TMEM245: variants seen among roughly 807,000 people sequenced by gnomAD.
TMEM245 encodes protein CG-2.
Under a neutral mutation model 101.2 loss-of-function variants are expected in TMEM245, and 69 were observed. That is an observed-to-expected ratio of 0.68 (90% CI 0.56 to 0.83). The LOEUF is 0.83. Ranked by LOEUF, TMEM245 falls within the 40% of genes least tolerant of loss-of-function variation. TMEM245 has a pLI of 0.00. For synonymous variants in TMEM245, 537 were observed against 449.8 expected, an observed-to-expected ratio of 1.19 and a Z score of -2.45; for missense variants, 1,075 against 1,092.8, an observed-to-expected ratio of 0.98 and a Z score of 0.23.
chr9:109,020,534 T>C, intron 17 of TMEM245, 29 bp from the exon 18 acceptor site: 3 of 1,597,202 alleles, frequency 1.9e-6, no homozygotes, highest in East Asian at 2.2e-5. Context: ...GAATGATTAG[T>C]TGATTACCAT....
chr9:109,018,231 A>C lies in TMEM245; in HGVS notation c.*2229T>G, dbSNP rs926630889. ...TGAATATGTGCTAATTACATCTATA[A>C]ATCAACCAGTATATAATTAACAAAA... On this transcript the variant is annotated 3_prime_UTR_variant, in exon 18 of 18. Transcript: ENST00000374586. 1.3e-5 allele frequency: 2 copies of C among 152,236 alleles called. No homozygotes were observed. The highest frequency in any genetic ancestry group is 4.8e-5 in the African/African-American group (2 of 41,460). The allele number at this position is 152,236 out of a possible 1,614,324, so 9.4% of individuals were successfully genotyped here.
chr9:109,066,747 G>T (rs1829181949), intron 9 of TMEM245, among the ~76,000 whole-genome samples: 1 of 151,752 alleles, frequency 6.6e-6, no homozygotes, highest in Admixed American at 6.6e-5. Flanking sequence ...ACACTCTCCT[G>T]TAGTGTTATT....
intron 1 of TMEM245, among the ~76,000 whole-genome samples, chr9:109,116,144 A>T (rs1367041428): frequency 6.6e-6 from 1 of 152,208 alleles, no homozygotes; most frequent in Non-Finnish European, 1.5e-5. Flanking sequence ...CAAAACAGGG[A>T]TTCGCTTAAA....
At chr9:109,073,575 C>T (rs1829398573) in intron 8 of TMEM245, 137 bp from the exon 9 acceptor site, 5 of 627,270 alleles carry the variant, frequency 8.0e-6, no homozygotes, top group Non-Finnish European at 1.4e-5. Flanking sequence ...AATTTAGAAA[C>T]ATGCAGCGCA....
rs138442320 is a variant in TMEM245, at chr9:109,015,152, T to G, written c.*5308A>C. The G allele has an allele frequency of 4.8e-4, 73 of 152,300 alleles. No individual in the cohort carries two copies. The highest frequency in any genetic ancestry group is 1.6e-3 in the African/African-American group (68 of 41,538). The allele number at this position is 152,300 out of a possible 1,614,324, so 9.4% of individuals were successfully genotyped here. A position where few individuals can be genotyped will look rare whatever the true frequency, so the allele number is the denominator to read the frequency against. On this transcript the variant is annotated 3_prime_UTR_variant, in exon 18 of 18. Coordinates refer to ENST00000374586, the MANE Select transcript of TMEM245 (RefSeq NM_032012.4). ...ACAGGAGATTAAGTTTACCACATGA[T>G]TCATTCAACACTAGTAATTTTATTT...
At chr9:109,093,657 C>G in intron 3 of TMEM245, 66 bp from the exon 4 acceptor site, 1 of 1,269,858 alleles carries the variant, frequency 7.9e-7, no homozygotes, top group Non-Finnish European at 1.2e-6. Flanking sequence ...AATTTAAACA[C>G]AGTCCAACAT....
intron 10 of TMEM245, among the ~76,000 whole-genome samples, chr9:109,061,422 CAT>C (rs1829007932): frequency 6.6e-6 from 1 of 152,170 alleles, no homozygotes. Flanking sequence ...TGCCTATTTA[CAT>C]AGAGACAATT....
chr9:109,111,182 T>G (rs1235796510), intron 1 of TMEM245, among the ~76,000 whole-genome samples: 1 of 152,328 alleles, frequency 6.6e-6, no homozygotes, highest in East Asian at 1.9e-4. Flanking sequence ...CTTGATTTTC[T>G]GTGGTTCTGA....
In TMEM245 at chr9:109,105,097, T is replaced by C. The variant is rs555317489; in HGVS notation, c.799+1411A>G. On this transcript the variant is annotated intron_variant, in intron 3 of 17. Transcript: ENST00000374586. ...CCACCAATGGAATATTTAAAAATCATATATTTGATAAGGGTCTAGTATCTA... is the reference window on the plus strand; with the variant it reads ...CCACCAATGGAATATTTAAAAATCACATATTTGATAAGGGTCTAGTATCTA... Among the ~76,000 whole-genome samples the C allele has an allele frequency of 6.6e-5, 10 of 152,270 alleles. No individual in the cohort carries two copies. The East Asian group carries it at 1.7e-3, about 26-fold the overall frequency.
chr9:109,069,375 G>A (rs1829263173), intron 9 of TMEM245, among the ~76,000 whole-genome samples: 1 of 152,130 alleles, frequency 6.6e-6, no homozygotes, highest in Non-Finnish European at 1.5e-5. Context: ...TCCTATGAAA[G>A]GCTCTATCCA....
At chr9:109,032,365 C>CTTTTTT (rs755399182) in intron 17 of TMEM245, among the ~76,000 whole-genome samples, 466 of 40,964 alleles carry the variant, frequency 0.011, 166 homozygotes, top group Non-Finnish European at 0.015. Context: ...ATTTCTTTTC[C>CTTTTTT]TTTTTTTTTT....
At chr9:109,056,513 G>A (rs1404117974) in intron 12 of TMEM245, among the ~76,000 whole-genome samples, 1 of 151,260 alleles carries the variant, frequency 6.6e-6, no homozygotes, top group Admixed American at 6.6e-5. Context: ...CTACTTAGGA[G>A]GCTGAGGTAG....
Position 109,080,914 on chromosome 9 carries a change from A to T in TMEM245, c.1374T>A (p.Asp458Glu). 1 of 1,608,972 alleles carries T rather than the reference A, an allele frequency of 6.2e-7. No individual in the cohort carries two copies. Among genetic ancestry groups the T allele is most frequent in the Non-Finnish European group, 8.5e-7 (1 of 1,176,198 alleles). Residue 458 changes from aspartate to glutamate, a missense_variant, in exon 8 of 18, where the codon GAT becomes GAA. This residue lies in a region of TMEM245 where 808 missense variants were observed against 741.5 expected (regional missense o/e 1.09). Coordinates refer to ENST00000374586, the MANE Select transcript of TMEM245 (RefSeq NM_032012.4). ...ATATGATGAAAATGCTAATTATTTT[A>T]TCTAACATCTTCTCCAACCAGATGA... Reference protein sequence around the residue: ...KMIIWLEKMLDKIISIFIIFL... With the variant: ...KMIIWLEKMLEKIISIFIIFL...
At position 109,119,603 on chromosome 9, in the gene TMEM245, A is replaced by G; in HGVS notation, c.311T>C (p.Leu104Pro). The G allele has an allele frequency of 6.4e-7, 1 of 1,555,610 alleles. No individual in the cohort carries two copies. Among genetic ancestry groups the G allele is most frequent in the Non-Finnish European group, 8.7e-7 (1 of 1,154,352 alleles). Residue 104 changes from leucine to proline, a missense_variant, in exon 1 of 18, where the codon CTG becomes CCG. Transcript: ENST00000374586. ...LHPFKSSLTR[L>P]GRHWLQRLHR... is the part of the protein sequence containing the mutation. ...CAGGCGCTGCAGCCAGTGGCGGCCC[A>G]GGCGCGTCAGCGAGCTCTTGAAGGG... is the stretch of plus-strand genomic sequence containing the variant.
rs752321764 is a variant in TMEM245, at chr9:109,119,877, G to A, written c.37C>T (p.Leu13=). 1 of 1,302,982 alleles carries A rather than the reference G, an allele frequency of 7.7e-7. No individual in the cohort carries two copies. The highest frequency in any genetic ancestry group is 4.1e-5 in the Admixed American group (1 of 24,112). The allele number at this position is 1,302,982 out of a possible 1,614,324, so 80.7% of individuals were successfully genotyped here. Residue 13 remains leucine (L), a synonymous_variant, in exon 1 of 18, where the codon CTG becomes TTG. Coordinates refer to ENST00000374586, the MANE Select transcript of TMEM245 (RefSeq NM_032012.4). The part of the protein sequence containing the change: ...DGGGPKDAPS[L]RSSPGPAPRV... ...GGCGCCGGCCCGGGAGAGCTCCGCA[G>A]GCTTGGCGCGTCCTTAGGGCCGCCG...
At chr9:109,021,998 T>G (rs1331135443) in intron 17 of TMEM245, among the ~76,000 whole-genome samples, 1 of 152,222 alleles carries the variant, frequency 6.6e-6, no homozygotes, top group Non-Finnish European at 1.5e-5. Context: ...ACTTCAAATG[T>G]AATTCCACAA....
At position 109,106,550 on chromosome 9, in the gene TMEM245, C is replaced by G. The variant is rs894392146; in HGVS notation, c.757G>C (p.Val253Leu). 1.2e-6 allele frequency: 2 copies of G among 1,612,450 alleles called. No homozygotes were observed. The highest frequency in any genetic ancestry group is 8.5e-7 in the Non-Finnish European group (1 of 1,179,072). The change falls in exon 3 of 18, where the codon GTG becomes CTG. Residue 253 changes from valine (V) to leucine (L), a missense_variant. Val to Leu is a conservative substitution (Grantham distance 32). Around this residue, in one of 2 missense-constraint regions of TMEM245, gnomAD observed 808 missense variants for 741.5 expected, o/e 1.09. Transcript: ENST00000374586. ...VFLVIVFLMSVGTLYEKQNGK... is the reference protein window; with the variant it reads ...VFLVIVFLMSLGTLYEKQNGK... Reference sequence around the variant, plus strand: ...TTCTGTTTTTCATAGAGGGTACCCACAGACATCAGGAAAACAATAACCAGG... The same window carrying G: ...TTCTGTTTTTCATAGAGGGTACCCAGAGACATCAGGAAAACAATAACCAGG...
At chr9:109,118,184 T>C (rs1830780726) in intron 1 of TMEM245, among the ~76,000 whole-genome samples, 1 of 152,230 alleles carries the variant, frequency 6.6e-6, no homozygotes, top group South Asian at 2.1e-4. Flanking sequence ...ACCTAACATA[T>C]GCTCGATCAA....
At chr9:109,115,499 G>C (rs930322003) in intron 1 of TMEM245, among the ~76,000 whole-genome samples, 9 of 130,224 alleles carry the variant, frequency 6.9e-5, no homozygotes, top group African/African-American at 2.3e-4. Flanking sequence ...ATATTTTTCT[G>C]ATTTTTTCCT....
Sources: gnomAD v4.1 joint callset for allele counts (sites outside exome capture counted in the v4.1 genomes callset) on GRCh38, gnomAD v4.1.1 for gene constraint, gnomAD v4.1.1 regional missense constraint, MANE v1.5 for transcripts, NCBI Gene and HGNC (gene_info 2026-07-23, HGNC 2026-07-21) for gene names.